The following MTUS1 variants were observed in gnomAD, a reference collection of about 807,000 sequenced individuals.
The protein encoded by MTUS1 is microtubule-associated tumor suppressor 1.
MTUS1 carries 109 observed loss-of-function variants against 120.8 expected under a neutral mutation model. The ratio of observed to expected loss-of-function variants is 0.90; its 90% CI spans 0.77 to 1.06. MTUS1 has a LOEUF of 1.06. MTUS1 is among the 50% of genes least tolerant of loss of function. The pLI is 0.00. For synonymous variants in MTUS1, 737 were observed against 550.5 expected (o/e 1.34, Z -4.74); for missense variants, 2,210 against 1,486.3 (o/e 1.49, Z -8.01).
chr8:17,645,616 C>A lies in MTUS1; in HGVS notation c.*310G>T, dbSNP rs3203733. On this transcript the variant is annotated 3_prime_UTR_variant, in exon 15 of 15. Coordinates refer to ENST00000693296, the MANE Select transcript of MTUS1 (RefSeq NM_001363059.2). ...AATAGGGCCCTGAGAGTTTTTCCCCCTATGCTTAGGTGAAAAAGGCAATGA... is the reference window on the plus strand; with the variant it reads ...AATAGGGCCCTGAGAGTTTTTCCCCATATGCTTAGGTGAAAAAGGCAATGA... The A allele has an allele frequency of 4.4e-6, 1 of 225,010 alleles. No individual in the cohort carries two copies. The highest frequency in any genetic ancestry group is 8.6e-6 in the Non-Finnish European group (1 of 115,898). 13.9% of individuals were successfully genotyped at this position (225,010 alleles called of 1,614,324 possible).
rs147065266 is a variant in MTUS1 at position 17,655,422 on chromosome 8, T to G, written c.3108+441A>C. Among the ~76,000 whole-genome samples the G allele has an allele frequency of 2.2e-3, 340 of 152,344 alleles. 1 individual carries two copies. Among genetic ancestry groups the G allele is most frequent in the African/African-American group, 7.8e-3 (324 of 41,588 alleles). On this transcript the variant is annotated intron_variant, in intron 9 of 14. Coordinates refer to ENST00000693296, the MANE Select transcript of MTUS1 (RefSeq NM_001363059.2). ...TCTTTTCCTCCTCCTTTTCTTCCCT[T>G]CTTTCACTTAACATAATACATTCCT...
intron 1 of MTUS1, among the ~76,000 whole-genome samples, chr8:17,792,675 C>T (rs976126263): frequency 1.3e-5 from 2 of 152,208 alleles, no homozygotes; most frequent in East Asian, 3.8e-4. Flanking sequence ...ACCAGCCTGG[C>T]CAACATGGGG....
intron 9 of MTUS1, chr8:17,655,021 C>G (rs1807901929): frequency 9.4e-6 from 2 of 211,890 alleles, no homozygotes; most frequent in African/African-American, 4.5e-5. Flanking sequence ...AACACAGACA[C>G]AGAGGCTCTC....
chr8:17,799,887 G>T (rs965358596), intron 1 of MTUS1, among the ~76,000 whole-genome samples: 17 of 151,712 alleles, frequency 1.1e-4, no homozygotes, highest in African/African-American at 3.9e-4. Context: ...GGATAAGCAT[G>T]TAGTTCTAAT....
At position 17,643,948 on chromosome 8, in the gene MTUS1, TC is replaced by T. The variant is rs1474421831; in HGVS notation, c.*1977del. ...CATGAAACATTTGGTTTAAACAAAATCTTAAGAATTCTCTATTTTGTTTCCC... is the reference window on the plus strand; with the variant it reads ...CATGAAACATTTGGTTTAAACAAAATTTAAGAATTCTCTATTTTGTTTCCC... On this transcript the variant is annotated 3_prime_UTR_variant, in exon 15 of 15. Coordinates refer to ENST00000693296, the MANE Select transcript of MTUS1 (RefSeq NM_001363059.2). 2 of 152,232 alleles carry T rather than the reference TC, an allele frequency of 1.3e-5. No homozygotes were observed. The highest frequency in any genetic ancestry group is 2.9e-5 in the Non-Finnish European group (2 of 68,044). 9.4% of individuals were successfully genotyped at this position (152,232 alleles called of 1,614,324 possible). A position where few individuals can be genotyped will look rare whatever the true frequency, so the allele number is the denominator to read the frequency against.
chr8:17,797,071 G>T (rs1007286410), intron 1 of MTUS1, among the ~76,000 whole-genome samples: 1 of 151,566 alleles, frequency 6.6e-6, no homozygotes, highest in East Asian at 1.9e-4. Flanking sequence ...GAGATCGCAC[G>T]CACCACTGCA....
chr8:17,781,730 G>A (rs749460783), intron 1 of MTUS1, among the ~76,000 whole-genome samples: 14 of 152,176 alleles, frequency 9.2e-5, no homozygotes, highest in South Asian at 4.1e-4. Flanking sequence ...CCTGCTCGAC[G>A]GCCTCCTGCC....
chr8:17,757,717 G>C (rs1344628785), intron 1 of MTUS1, among the ~76,000 whole-genome samples: 2 of 152,140 alleles, frequency 1.3e-5, no homozygotes, highest in Non-Finnish European at 2.9e-5. Context: ...AGTAGAGACA[G>C]GGTTTCACCA....
intron 1 of MTUS1, among the ~76,000 whole-genome samples, chr8:17,759,706 T>A (rs999835121): frequency 2.7e-5 from 4 of 150,250 alleles, no homozygotes; most frequent in Non-Finnish European, 5.9e-5. Context: ...ACTCATATAC[T>A]GTGGTCAGCA....
chr8:17,699,234 T>G (rs1818553504), intron 6 of MTUS1, among the ~76,000 whole-genome samples: 2 of 152,226 alleles, frequency 1.3e-5, no homozygotes, highest in Non-Finnish European at 2.9e-5. Flanking sequence ...GTTTGTTTTT[T>G]GAGATGGAGT....
rs17125181 is a variant in MTUS1, at chr8:17,707,010, C to T, written c.2623+6204G>A. Among the ~76,000 whole-genome samples the T allele has an allele frequency of 0.012, 1,852 of 152,316 alleles. 65 individuals are homozygous for T. In the East Asian group the frequency reaches 0.12, roughly 10 times the overall value. On this transcript the variant is annotated intron_variant, in intron 6 of 14. Coordinates refer to ENST00000693296, the MANE Select transcript of MTUS1 (RefSeq NM_001363059.2). ...AGGAATATGAAGTTGGTCAACTCAA[C>T]TGTAATCTCCACCACTACTTACAGC...
chr8:17,784,871 G>A (rs1354491383), intron 1 of MTUS1, among the ~76,000 whole-genome samples: 2 of 151,196 alleles, frequency 1.3e-5, no homozygotes, highest in Non-Finnish European at 2.9e-5. Flanking sequence ...TGCAACCTCC[G>A]CCTCCCGGCT....
rs180909453 is a variant in MTUS1, at chr8:17,684,257, G to C, written c.2838+71C>G. Reference sequence around the variant, plus strand: ...TTACCTAGATATTCCCAAGGCCAGCGTGTGAGCAAGTCCTCCCCGTGCTCC... The same window carrying C: ...TTACCTAGATATTCCCAAGGCCAGCCTGTGAGCAAGTCCTCCCCGTGCTCC... On this transcript the variant is annotated intron_variant, in intron 7 of 14. Transcript: ENST00000693296. The C allele has an allele frequency of 2.7e-5, 29 of 1,072,592 alleles. No homozygotes were observed. The South Asian group carries it at 3.5e-4, about 13-fold the overall frequency. The allele number at this position is 1,072,592 out of a possible 1,614,324, so 66.4% of individuals were successfully genotyped here. A position where few individuals can be genotyped will look rare whatever the true frequency, so the allele number is the denominator to read the frequency against.
rs140717116 is a variant in MTUS1 at position 17,682,176 on chromosome 8, T to C, written c.2838+2152A>G. On this transcript the variant is annotated intron_variant, in intron 7 of 14. Transcript: ENST00000693296. ...AGGACGCTGTCAGCAGTGCTTGGGATGGATTATAGGTGAGAAACAGTACAA... is the reference window on the plus strand; with the variant it reads ...AGGACGCTGTCAGCAGTGCTTGGGACGGATTATAGGTGAGAAACAGTACAA... Among the ~76,000 whole-genome samples the C allele has an allele frequency of 4.0e-4, 61 of 152,240 alleles. No homozygotes were observed. In the East Asian group the frequency reaches 9.1e-3, roughly 23 times the overall value.
intron 1 of MTUS1, among the ~76,000 whole-genome samples, chr8:17,758,529 T>G (rs988175582): frequency 2.0e-5 from 3 of 152,256 alleles, no homozygotes; most frequent in African/African-American, 7.2e-5. Context: ...TAAATTAACA[T>G]TTTTAATCCT....
At chr8:17,677,719 C>T (rs1300727696) in intron 7 of MTUS1, among the ~76,000 whole-genome samples, 3 of 152,152 alleles carry the variant, frequency 2.0e-5, no homozygotes, top group Non-Finnish European at 2.9e-5. Context: ...CTCTGTCAGG[C>T]ACAGTAACAG....
At chr8:17,791,727 T>G (rs2051800035) in intron 1 of MTUS1, among the ~76,000 whole-genome samples, 1 of 152,158 alleles carries the variant, frequency 6.6e-6, no homozygotes, top group Non-Finnish European at 1.5e-5. Context: ...AGAGGGAAAG[T>G]TATCAGCCTC....
At chr8:17,742,615 C>T (rs192663697) in intron 3 of MTUS1, among the ~76,000 whole-genome samples, 4 of 152,110 alleles carry the variant, frequency 2.6e-5, no homozygotes, top group Admixed American at 6.5e-5. Context: ...CCTCCACTCA[C>T]GCCTCTGTGG....
intron 6 of MTUS1, among the ~76,000 whole-genome samples, chr8:17,687,531 G>C (rs148736699): frequency 1.3e-5 from 2 of 152,112 alleles, no homozygotes; most frequent in African/African-American, 2.4e-5. Flanking sequence ...TTATACAGAA[G>C]TATAAATTAT....
Sources: gnomAD v4.1 joint callset for allele counts (sites outside exome capture counted in the v4.1 genomes callset) on GRCh38, gnomAD v4.1.1 for gene constraint, MANE v1.5 for transcripts, NCBI Gene and HGNC (gene_info 2026-07-23, HGNC 2026-07-21) for gene names.